The following CDH13 variants were observed in gnomAD, a reference collection of about 807,000 sequenced individuals.
CDH13 encodes the protein cadherin-13.
A neutral mutation model predicts 63.8 loss-of-function variants in CDH13; 24 were observed. The observed-to-expected ratio is 0.38, with a 90% confidence interval of 0.27 to 0.53. The LOEUF (loss-of-function observed/expected upper bound fraction) is 0.53. CDH13 is among the 20% of genes least tolerant of loss of function. The pLI is 0.85. For missense variants in CDH13, 1,049 were observed against 903.1 expected, an observed-to-expected ratio of 1.16 and a Z score of -2.07; for synonymous variants, 503 against 355.3, an observed-to-expected ratio of 1.42 and a Z score of -4.67.
intron 6 of CDH13, among the ~76,000 whole-genome samples, chr16:83,475,003 C>G (rs2073564721): frequency 6.6e-6 from 1 of 152,252 alleles, no homozygotes; most frequent in African/African-American, 2.4e-5. Context: ...CACTGAGTGT[C>G]CAGGTGACCC....
At position 82,918,108 on chromosome 16, in the gene CDH13, A is replaced by G. The variant is rs757556603; in HGVS notation, c.157+59635A>G. 8.5e-5 allele frequency among the ~76,000 whole-genome samples: 13 copies of G among 152,166 alleles called. 1 individual carries two copies. Among genetic ancestry groups the G allele is most frequent in the Admixed American group, 4.6e-4 (7 of 15,280 alleles). On this transcript the variant is annotated intron_variant, in intron 2 of 13. Transcript: ENST00000567109. Reference sequence around the variant, plus strand: ...GCTGCGAGGCAGCTGGTGCCCTGGTAAAAGGTGGCAGAGCAAATGCAGAAC... The same window carrying G: ...GCTGCGAGGCAGCTGGTGCCCTGGTGAAAGGTGGCAGAGCAAATGCAGAAC...
chr16:83,336,486 G>A (rs911900166), intron 5 of CDH13, among the ~76,000 whole-genome samples: 2 of 152,088 alleles, frequency 1.3e-5, no homozygotes, highest in Non-Finnish European at 2.9e-5. Flanking sequence ...TACTTATTCA[G>A]GTGAGAGATA....
Position 83,381,661 on chromosome 16 carries a change from A to T in CDH13, c.781+36655A>T, listed in dbSNP as rs116645071. ...CTAAAAAAGCTCACCTAAACCCACC[A>T]CTTGTCTATCTGAGTCAAATCATTC... On this transcript the variant is annotated intron_variant, in intron 6 of 13. Transcript: ENST00000567109. Among the ~76,000 whole-genome samples the T allele has an allele frequency of 3.2e-3, 485 of 151,768 alleles. 2 individuals are homozygous for T. Among genetic ancestry groups the T allele is most frequent in the African/African-American group, 0.011 (456 of 41,364 alleles).
chr16:83,413,530 A>G (rs541245886), intron 6 of CDH13, among the ~76,000 whole-genome samples: 39 of 152,332 alleles, frequency 2.6e-4, no homozygotes, highest in African/African-American at 9.4e-4. Context: ...ATGTTCCCCA[A>G]CTAGAGATCG....
chr16:83,699,059 T>C (rs1339224830), intron 10 of CDH13, among the ~76,000 whole-genome samples: 1 of 152,214 alleles, frequency 6.6e-6, no homozygotes, highest in Non-Finnish European at 1.5e-5. Context: ...CTGAATCTCA[T>C]CCAGTGGTTT....
At chr16:83,499,573 C>A (rs1435491738) in intron 7 of CDH13, among the ~76,000 whole-genome samples, 1 of 152,198 alleles carries the variant, frequency 6.6e-6, no homozygotes, top group Non-Finnish European at 1.5e-5. Flanking sequence ...CTGAGAATTC[C>A]CTTATCATAA....
At chr16:82,836,023 C>G (rs1156297386) in intron 1 of CDH13, among the ~76,000 whole-genome samples, 1 of 152,206 alleles carries the variant, frequency 6.6e-6, no homozygotes, top group Non-Finnish European at 1.5e-5. Context: ...TCATGTGTAT[C>G]TGGTAGAATG....
chr16:82,698,101 G>T (rs964507068), intron 1 of CDH13, among the ~76,000 whole-genome samples: 1 of 152,188 alleles, frequency 6.6e-6, no homozygotes, highest in Non-Finnish European at 1.5e-5. Flanking sequence ...ATTTAACTTG[G>T]ACAGGCAGGT....
At chr16:83,117,322 C>T (rs551961470) in intron 3 of CDH13, among the ~76,000 whole-genome samples, 47 of 152,292 alleles carry the variant, frequency 3.1e-4, no homozygotes, top group African/African-American at 1.1e-3. Flanking sequence ...ACTGAAGCTC[C>T]GCCATGCCCG....
chr16:83,435,116 G>A (rs1183430914), intron 6 of CDH13, among the ~76,000 whole-genome samples: 1 of 151,480 alleles, frequency 6.6e-6, no homozygotes, highest in South Asian at 2.1e-4. Context: ...GCACAATCTC[G>A]GCTTACTGCA....
intron 4 of CDH13, among the ~76,000 whole-genome samples, chr16:83,163,526 G>A (rs1038126355): frequency 6.6e-6 from 1 of 152,106 alleles, no homozygotes; most frequent in Non-Finnish European, 1.5e-5. Flanking sequence ...TAGAGCCATT[G>A]GCACTCACCC....
chr16:82,750,800 C>G (rs1022861407), intron 1 of CDH13, among the ~76,000 whole-genome samples: 2 of 151,954 alleles, frequency 1.3e-5, no homozygotes, highest in African/African-American at 2.4e-5. Context: ...TTCCCAACAG[C>G]CTAGGCAAAG....
intron 1 of CDH13, among the ~76,000 whole-genome samples, chr16:82,780,385 G>A (rs557965280): frequency 2.0e-5 from 3 of 152,260 alleles, no homozygotes; most frequent in African/African-American, 4.8e-5. Context: ...ATGACTGCAC[G>A]GGACCAGAGG....
intron 2 of CDH13, among the ~76,000 whole-genome samples, chr16:83,013,637 A>G (rs1914383190): frequency 6.6e-6 from 1 of 152,242 alleles, no homozygotes. Flanking sequence ...TCAGAAAGTC[A>G]GTAACTTGTC....
At chr16:82,924,068 A>G (rs1045497598) in intron 2 of CDH13, among the ~76,000 whole-genome samples, 8 of 152,212 alleles carry the variant, frequency 5.3e-5, no homozygotes, top group African/African-American at 1.9e-4. Flanking sequence ...ATATTCAATC[A>G]AAGTTGATGG....
chr16:83,462,489 C>T (rs190581550), intron 6 of CDH13, among the ~76,000 whole-genome samples: 45 of 152,202 alleles, frequency 3.0e-4, no homozygotes, highest in African/African-American at 7.7e-4. Context: ...CAGTGGCTTA[C>T]GCCTGTAATC....
At chr16:83,104,173 A>G (rs2034649395) in intron 3 of CDH13, among the ~76,000 whole-genome samples, 1 of 152,212 alleles carries the variant, frequency 6.6e-6, no homozygotes, top group South Asian at 2.1e-4. Context: ...TCCTAACATC[A>G]AAACCACTGG....
chr16:83,547,651 T>C lies in CDH13; in HGVS notation c.961-54803T>C, dbSNP rs2075410831. Among the ~76,000 whole-genome samples, 3 of 152,252 alleles carry C rather than the reference T, an allele frequency of 2.0e-5. No individual in the cohort carries two copies. The South Asian group carries it at 6.2e-4, about 32-fold the overall frequency. On this transcript the variant is annotated intron_variant, in intron 7 of 13. Transcript: ENST00000567109. ...ATGATCTTTCTTTTTTATGGCTGCA[T>C]AGTATTCCATGGTATATACGTACCA...
chr16:83,624,603 G>A (rs1040037926), intron 8 of CDH13, among the ~76,000 whole-genome samples: 11 of 152,050 alleles, frequency 7.2e-5, no homozygotes, highest in Admixed American at 4.6e-4. Flanking sequence ...GTGCTCAGGC[G>A]GTCATGCTCA....
Sources: allele counts gnomAD v4.1 joint callset (sites outside exome capture counted in the v4.1 genomes callset), GRCh38; gene constraint gnomAD v4.1.1; transcripts MANE v1.5; gene names NCBI Gene and HGNC (gene_info 2026-07-23, HGNC 2026-07-21).